Variants in TMPRSS15 observed in about 807,000 individuals in gnomAD.
TMPRSS15 encodes enteropeptidase.
TMPRSS15 carries 128 observed loss-of-function variants against 125.3 expected under a neutral mutation model. The ratio of observed to expected loss-of-function variants is 1.02; its 90% CI spans 0.89 to 1.18. The LOEUF is 1.18. TMPRSS15 is among the 50% of genes most tolerant of loss of function. The probability of loss-of-function intolerance (pLI) is 0.00; values close to 1 mark genes in which losing one functional copy is unlikely to be tolerated. For synonymous variants in TMPRSS15, 446 were observed against 423.2 expected (o/e 1.05, Z -0.66); for missense variants, 1,283 against 1,212.7 (o/e 1.06, Z -0.86).
chr21:18,444,528 A>C (rs1307406112), intron 1 of TMPRSS15, among the ~76,000 whole-genome samples: 4 of 152,088 alleles, frequency 2.6e-5, no homozygotes, highest in Non-Finnish European at 5.9e-5. Flanking sequence ...AGAAATTCCT[A>C]ATGTAGATGA....
At chr21:18,334,476 T>C (rs1264959544) in intron 13 of TMPRSS15, among the ~76,000 whole-genome samples, 1 of 152,130 alleles carries the variant, frequency 6.6e-6, no homozygotes, top group Non-Finnish European at 1.5e-5. Flanking sequence ...GGATGAAAAT[T>C]GTGGCTCTGA....
rs189321496 is a variant in TMPRSS15 at position 18,359,022 on chromosome 21, G to A, written c.880+735C>T. 6.6e-4 allele frequency among the ~76,000 whole-genome samples: 100 copies of A among 152,072 alleles called. 1 individual carries two copies. Among genetic ancestry groups the A allele is most frequent in the Non-Finnish European group, 2.4e-4 (16 of 67,952 alleles). On this transcript the variant is annotated intron_variant, in intron 8 of 24. Transcript: ENST00000284885. Reference sequence around the variant, plus strand: ...AGTTAACTATTTCTCCAACATGCGAGGAAAACTAGTTATTCCCTTGGCTTC... The same window carrying A: ...AGTTAACTATTTCTCCAACATGCGAAGAAAACTAGTTATTCCCTTGGCTTC...
intron 18 of TMPRSS15, among the ~76,000 whole-genome samples, chr21:18,311,027 T>G (rs544710772): frequency 9.3e-5 from 14 of 149,916 alleles, no homozygotes; most frequent in Admixed American, 8.7e-4. Context: ...GAAAACTGGA[T>G]AACTATATGA....
At chr21:18,425,477 G>A (rs2076200739) in intron 1 of TMPRSS15, among the ~76,000 whole-genome samples, 2 of 152,058 alleles carry the variant, frequency 1.3e-5, no homozygotes, top group African/African-American at 4.8e-5. Context: ...ACTCTTCATT[G>A]AGCAAAAGAC....
rs745361649 is a variant in TMPRSS15 at position 18,297,868 on chromosome 21, G to A, written c.2166-39C>T. ...AAAAAAGCATACAGACAAAACAAAA[G>A]CATAAAGAAAAGACCATAAGTTAGA... On this transcript the variant is annotated intron_variant, in intron 18 of 24. Coordinates refer to ENST00000284885, the MANE Select transcript of TMPRSS15 (RefSeq NM_002772.3). The A allele has an allele frequency of 8.1e-6, 12 of 1,480,512 alleles. No individual in the cohort carries two copies. In the South Asian group the frequency reaches 1.4e-4, roughly 17 times the overall value. 91.7% of individuals were successfully genotyped at this position (1,480,512 alleles called of 1,614,324 possible).
chr21:18,339,271 A>C (rs1342875118), intron 13 of TMPRSS15, among the ~76,000 whole-genome samples: 1 of 152,180 alleles, frequency 6.6e-6, no homozygotes, highest in Middle Eastern at 3.2e-3. Context: ...GATCTTTTGG[A>C]GGAATGTAAG....
intron 12 of TMPRSS15, 86 bp from the exon 13 acceptor site, chr21:18,341,634 A>G: frequency 7.1e-7 from 1 of 1,411,780 alleles, no homozygotes; most frequent in Non-Finnish European, 1.0e-6. Context: ...AAGAGATTCA[A>G]TATTGTCTAG....
At chr21:18,435,033 C>T (rs902810511) in intron 1 of TMPRSS15, among the ~76,000 whole-genome samples, 1 of 152,036 alleles carries the variant, frequency 6.6e-6, no homozygotes, top group Admixed American at 6.6e-5. Context: ...GTATTTATAT[C>T]CATCCTTTTA....
intron 8 of TMPRSS15, among the ~76,000 whole-genome samples, chr21:18,355,507 T>G (rs1469329055): frequency 6.6e-6 from 1 of 151,744 alleles, no homozygotes; most frequent in Non-Finnish European, 1.5e-5. Flanking sequence ...AGTCTTAAAG[T>G]CTCCTTGCCT....
In TMPRSS15 at chr21:18,326,457, A is replaced by T; in HGVS notation, c.1896T>A (p.Thr632=). The part of the protein sequence containing the change: ...LARGGFKANF[T]TGYHLGIPEP... ...CTGGAATCCCCAAGTGATAGCCAGT[A>T]GTAAAGTTTGCTTTAAACCCTCCTC... Residue 632 remains threonine, a synonymous_variant, in exon 16 of 25, where the codon ACT becomes ACA. Coordinates refer to ENST00000284885, the MANE Select transcript of TMPRSS15 (RefSeq NM_002772.3). 1 of 1,614,178 alleles carries T rather than the reference A, an allele frequency of 6.2e-7. No individual in the cohort carries two copies. The highest frequency in any genetic ancestry group is 8.5e-7 in the Non-Finnish European group (1 of 1,180,002).
chr21:18,464,018 C>CA (rs1239456970), intron 1 of TMPRSS15, among the ~76,000 whole-genome samples: 3 of 151,502 alleles, frequency 2.0e-5, no homozygotes, highest in African/African-American at 7.3e-5. Flanking sequence ...ACTAAAAATA[C>CA]AAAAAATTAG....
chr21:18,354,937 T>C (rs1018019709), intron 8 of TMPRSS15, among the ~76,000 whole-genome samples: 1 of 151,790 alleles, frequency 6.6e-6, no homozygotes, highest in African/African-American at 2.4e-5. Flanking sequence ...CTATTAGATA[T>C]CTTGTGATTA....
In TMPRSS15 at chr21:18,391,700, C is replaced by T. The variant is rs369235212; in HGVS notation, c.344+6179G>A. On this transcript the variant is annotated intron_variant, in intron 3 of 24. Transcript: ENST00000284885. Reference sequence around the variant, plus strand: ...TGGTCTGGAGGACGGTGGCTGTCTTCTCCAGAGTCAGCCCAGGGGGGACTC... The same window carrying T: ...TGGTCTGGAGGACGGTGGCTGTCTTTTCCAGAGTCAGCCCAGGGGGGACTC... Among the ~76,000 whole-genome samples, 31 of 152,316 alleles carry T rather than the reference C, an allele frequency of 2.0e-4. 1 individual carries two copies. In the East Asian group the frequency reaches 5.8e-3, roughly 29 times the overall value.
chr21:18,348,583 A>G (rs1393015662), intron 10 of TMPRSS15, among the ~76,000 whole-genome samples: 2 of 152,224 alleles, frequency 1.3e-5, no homozygotes, highest in East Asian at 3.8e-4. Context: ...TCAATTTTAG[A>G]AAGTAATATT....
intron 1 of TMPRSS15, among the ~76,000 whole-genome samples, chr21:18,437,276 A>T (rs565290691): frequency 6.6e-6 from 1 of 151,884 alleles, no homozygotes. Context: ...AGCCATATGT[A>T]GAAAGCTGAA....
intron 1 of TMPRSS15, among the ~76,000 whole-genome samples, chr21:18,435,164 T>C (rs976099367): frequency 6.6e-6 from 1 of 152,178 alleles, no homozygotes. Context: ...CTACCAACAC[T>C]ATGTTGAATA....
chr21:18,275,403 C>T, intron 23 of TMPRSS15, 67 bp from the exon 24 acceptor site: 8 of 1,573,290 alleles, frequency 5.1e-6, no homozygotes, highest in Non-Finnish European at 7.0e-6. Context: ...AATGAACTAC[C>T]ATCAGTCCTA....
At chr21:18,300,356 CT>C (rs10711798) in intron 18 of TMPRSS15, among the ~76,000 whole-genome samples, 101,808 of 134,194 alleles carry the variant, frequency 0.76, 38,081 homozygotes, top group African/African-American at 0.77. Flanking sequence ...CTTTCTTTCT[CT>C]TTTTTTTTTT....
At chr21:18,378,323 G>T (rs917047119) in intron 5 of TMPRSS15, among the ~76,000 whole-genome samples, 3 of 151,966 alleles carry the variant, frequency 2.0e-5, no homozygotes, top group Non-Finnish European at 4.4e-5. Flanking sequence ...GCTTTCTTTT[G>T]TTTTTTGTCA....
Sources: gnomAD v4.1 joint callset for allele counts (sites outside exome capture counted in the v4.1 genomes callset) on GRCh38, gnomAD v4.1.1 for gene constraint, MANE v1.5 for transcripts, NCBI Gene and HGNC (gene_info 2026-07-23, HGNC 2026-07-21) for gene names.